The following RUVBL2 variants were observed in gnomAD, a reference collection of about 807,000 sequenced individuals.
The protein encoded by RUVBL2 is RuvB like AAA ATPase 2.
A neutral mutation model predicts 57.9 loss-of-function variants in RUVBL2; 9 were observed. The observed-to-expected ratio is 0.16, with a 90% CI of 0.09 to 0.27. The LOEUF is 0.27. Ranked by LOEUF, RUVBL2 falls within the 10% of genes least tolerant of loss-of-function variation. The pLI is 1.00. For synonymous variants in RUVBL2, 278 were observed against 264.6 expected (o/e 1.05, Z -0.49); for missense variants, 456 against 669.6 (o/e 0.68, Z 3.52).
chr19:49,008,008 C>CTTTTTTTT (rs915809242), intron 6 of RUVBL2, among the ~76,000 whole-genome samples: 1 of 90,384 alleles, frequency 1.1e-5, no homozygotes, highest in Non-Finnish European at 2.2e-5. Flanking sequence ...TACCTGGCCT[C>CTTTTTTTT]TTTTTTTTTT....
chr19:48,995,910 C>T (rs949955699), intron 1 of RUVBL2, among the ~76,000 whole-genome samples: 1 of 151,482 alleles, frequency 6.6e-6, no homozygotes, highest in African/African-American at 2.4e-5. Flanking sequence ...TTGCTTGAAC[C>T]CGGGAGGCGA....
At chr19:48,998,614 C>T (rs1487377574) in intron 1 of RUVBL2, among the ~76,000 whole-genome samples, 3 of 151,124 alleles carry the variant, frequency 2.0e-5, no homozygotes, top group East Asian at 1.9e-4. Flanking sequence ...GAGGCTGAGG[C>T]GGGAGAATCG....
chr19:49,003,372 T>A (rs999134506), intron 3 of RUVBL2, 38 bp downstream of exon 3: 3 of 1,602,062 alleles, frequency 1.9e-6, no homozygotes, highest in Non-Finnish European at 2.6e-6. Context: ...GGCCTCTCCA[T>A]GAAGGTCTTG....
rs754283115 is a variant in RUVBL2, at chr19:49,010,518, C to A, written c.694C>A (p.Leu232Ile). The change falls in exon 9 of 15, where the codon CTC becomes ATC. Residue 232 changes from leucine to isoleucine, a missense_variant. This residue lies in a region of RUVBL2 where 233 missense variants were observed against 306.0 expected (regional missense o/e 0.76). Coordinates refer to ENST00000595090, the MANE Select transcript of RUVBL2 (RefSeq NM_006666.3). ...TKFVQCPDGELQKRKEVVHTV... is the reference protein window; with the variant it reads ...TKFVQCPDGEIQKRKEVVHTV... ...GTTCGTGCAGTGCCCAGATGGGGAGCTCCAGAAACGCAAGGAGGTGGTGCA... is the reference window on the plus strand; with the variant it reads ...GTTCGTGCAGTGCCCAGATGGGGAGATCCAGAAACGCAAGGAGGTGGTGCA... 6.3e-7 allele frequency: 1 copy of A among 1,595,850 alleles called. No homozygotes were observed. Among genetic ancestry groups the A allele is most frequent in the East Asian group, 2.3e-5 (1 of 43,590 alleles).
chr19:48,996,899 G>A (rs767112484), intron 1 of RUVBL2, among the ~76,000 whole-genome samples: 1 of 151,806 alleles, frequency 6.6e-6, no homozygotes, highest in Non-Finnish European at 1.5e-5. Context: ...CTGACCTCAA[G>A]TGATTTGCCT....
rs549429148 is a variant in RUVBL2 at position 49,015,756 on chromosome 19, A to G, written c.1367-61A>G. The G allele has an allele frequency of 2.4e-5, 39 of 1,612,560 alleles. No individual in the cohort carries two copies. In the East Asian group the frequency reaches 5.8e-4, roughly 24 times the overall value. On this transcript the variant is annotated intron_variant, in intron 14 of 14. Coordinates refer to ENST00000595090, the MANE Select transcript of RUVBL2 (RefSeq NM_006666.3). ...GAGGGAGGAAGAGGGAGCTCGGCGT[A>G]GAAGGCTCAGGCCCTGCCACCTGGG...
At chr19:49,007,708 T>C (rs577909721) in intron 6 of RUVBL2, among the ~76,000 whole-genome samples, 1 of 150,796 alleles carries the variant, frequency 6.6e-6, no homozygotes, top group African/African-American at 2.4e-5. Context: ...TGCTCTCTCT[T>C]TTTTTTTTGT....
chr19:49,013,440 C>G lies in RUVBL2; in HGVS notation c.1002-1044C>G, dbSNP rs1409137198. On this transcript the variant is annotated intron_variant, in intron 11 of 14. Transcript: ENST00000595090. ...TTGGTGATATTGCCATTTAAAGTGT[C>G]CCCTGTGCACAGTGTTGAAGTGCTG... Among the ~76,000 whole-genome samples the G allele has an allele frequency of 2.6e-5, 4 of 151,904 alleles. No individual in the cohort carries two copies. The South Asian group carries it at 8.3e-4, about 32-fold the overall frequency.
At chr19:49,013,924 C>G (rs946335782) in intron 11 of RUVBL2, among the ~76,000 whole-genome samples, 1 of 152,116 alleles carries the variant, frequency 6.6e-6, no homozygotes, top group Non-Finnish European at 1.5e-5. Context: ...AAAAACAAAC[C>G]AAAAAGACCA....
chr19:48,994,373 G>C (rs993003504), intron 1 of RUVBL2: 2 of 174,142 alleles, frequency 1.1e-5, no homozygotes, highest in African/African-American at 4.7e-5. Context: ...GAGCGCGAGG[G>C]CGCCTAGTGA....
At chr19:49,014,389 T>G in intron 11 of RUVBL2, 95 bp from the exon 12 acceptor site, 2 of 1,470,078 alleles carry the variant, frequency 1.4e-6, no homozygotes, top group South Asian at 2.5e-5. Context: ...TTGGGCCCAG[T>G]GAGTGGGTGG....
chr19:48,996,843 A>T (rs1208338206), intron 1 of RUVBL2, among the ~76,000 whole-genome samples: 1 of 151,070 alleles, frequency 6.6e-6, no homozygotes, highest in Non-Finnish European at 1.5e-5. Context: ...TTGTATTTTT[A>T]GTAGAGACAG....
At chr19:49,014,348 A>T in intron 11 of RUVBL2, 136 bp from the exon 12 acceptor site, 1 of 1,026,012 alleles carries the variant, frequency 9.7e-7, no homozygotes, top group Non-Finnish European at 1.4e-6. Flanking sequence ...TCATCATGTG[A>T]CAGGAGACGC....
chr19:49,014,508 C>T lies in RUVBL2; in HGVS notation c.1026C>T (p.Ser342=), dbSNP rs2039502025. Residue 342 remains serine, a synonymous_variant, in exon 12 of 15, where the codon AGC becomes AGT. Transcript: ENST00000595090. The part of the protein sequence containing the change: ...ITRIRGTSYQ[S]PHGIPIDLLD... The stretch of plus-strand genomic sequence containing the variant: ...GAATCCGGGGCACCAGCTACCAGAG[C>T]CCTCACGGCATCCCCATAGACCTGC... The T allele has an allele frequency of 2.5e-6, 4 of 1,613,972 alleles. No homozygotes were observed. The highest frequency in any genetic ancestry group is 1.3e-5 in the African/African-American group (1 of 74,940).
intron 8 of RUVBL2, 21 bp from the exon 9 acceptor site, chr19:49,010,467 T>TGCCCCCCCCCC: frequency 9.3e-6 from 13 of 1,401,194 alleles, no homozygotes; most frequent in Non-Finnish European, 1.3e-5. Flanking sequence ...CCGCCGTTCT[T>TGCCCCCCCCCC]CCCCCACCCC....
At chr19:49,001,693 A>G (rs1008481796) in intron 2 of RUVBL2, 5 of 151,340 alleles carry the variant, frequency 3.3e-5, no homozygotes, top group African/African-American at 1.2e-4. Flanking sequence ...GCTCACTGCA[A>G]GCTCCACCTC....
At chr19:49,006,505 G>A (rs114099947) in intron 4 of RUVBL2, among the ~76,000 whole-genome samples, 1 of 152,226 alleles carries the variant, frequency 6.6e-6, no homozygotes, top group African/African-American at 2.4e-5. Context: ...CACGTGTTCT[G>A]TTATCATCCC....
At chr19:48,998,401 T>C (rs905112492) in intron 1 of RUVBL2, among the ~76,000 whole-genome samples, 26 of 152,142 alleles carry the variant, frequency 1.7e-4, no homozygotes, top group South Asian at 1.0e-3. Context: ...TTATTAGAAA[T>C]GGGGAGGACT....
At chr19:49,003,361 G>C in intron 3 of RUVBL2, 27 bp downstream of exon 3, 1 of 1,611,366 alleles carries the variant, frequency 6.2e-7, no homozygotes, top group Non-Finnish European at 8.5e-7. Context: ...TGGGGTGTGA[G>C]GGCCTCTCCA....
Sources: gnomAD v4.1 joint callset for allele counts (sites outside exome capture counted in the v4.1 genomes callset) on GRCh38, gnomAD v4.1.1 for gene constraint, gnomAD v4.1.1 regional missense constraint, MANE v1.5 for transcripts, NCBI Gene and HGNC (gene_info 2026-07-23, HGNC 2026-07-21) for gene names.